The following ZNF705B variants were observed in gnomAD, a reference collection of about 807,000 sequenced individuals.
ZNF705B encodes the protein zinc finger protein 705B, also known as Putative zinc finger protein 705D-like protein LOC100132396.
ZNF705B carries 1 observed loss-of-function variant against 10.5 expected under a neutral mutation model. That is an observed-to-expected ratio of 0.10 (90% confidence interval 0.03 to 0.45). ZNF705B has a LOEUF of 0.45. ZNF705B is among the 20% of genes least tolerant of loss of function. The pLI is 0.97. For synonymous variants in ZNF705B, 4 were observed against 25.4 expected (o/e 0.16, Z 2.53); for missense variants, 14 against 84.0 (o/e 0.17, Z 3.26).
In ZNF705B at chr8:7,931,808, G is replaced by A. The variant is rs1347191707; in HGVS notation, c.-72+1372G>A. Among the ~76,000 whole-genome samples the A allele has an allele frequency of 2.4e-4, 31 of 130,832 alleles. 2 individuals carry two copies. Among genetic ancestry groups the A allele is most frequent in the Non-Finnish European group, 5.0e-4 (28 of 56,344 alleles). 85.8% of individuals were successfully genotyped at this position (130,832 alleles called of 152,430 possible). A position where few individuals can be genotyped will look rare whatever the true frequency, so the allele number is the denominator to read the frequency against. On this transcript the variant is annotated intron_variant, in intron 2 of 6. Coordinates refer to ENST00000400120, the MANE Select transcript of ZNF705B (RefSeq NM_001193630.1). ...CTTTGTTCTGGGGGCAGCCTCCCTA[G>A]TGAATGGCACTGCCAGTTCCCTGGA...
At chr8:7,931,856 G>C (rs1398409550) in intron 2 of ZNF705B, among the ~76,000 whole-genome samples, 2 of 125,866 alleles carry the variant, frequency 1.6e-5, no homozygotes, top group African/African-American at 2.5e-5. Context: ...GTGTAGGCTA[G>C]AGTGATGGGG....
At chr8:7,928,563 G>C (rs1337874042) in intron 1 of ZNF705B, among the ~76,000 whole-genome samples, 2 of 116,268 alleles carry the variant, frequency 1.7e-5, no homozygotes, top group African/African-American at 5.1e-5. Context: ...GGAGGGGAAA[G>C]AGAGAAGGAG....
chr8:7,930,199 C>G (rs9329219), intron 1 of ZNF705B, 88 bp from the exon 2 acceptor site: 1 of 118,786 alleles, frequency 8.4e-6, no homozygotes, highest in African/African-American at 2.6e-5. Context: ...CTGCTCAATG[C>G]TTACCTCTTA....
At chr8:7,932,340 C>T (rs57892334) in intron 2 of ZNF705B, among the ~76,000 whole-genome samples, 1 of 121,222 alleles carries the variant, frequency 8.2e-6, no homozygotes, top group Admixed American at 9.4e-5. Context: ...CTGCTGAATT[C>T]TAGTGCCCTC....
chr8:7,940,696 C>T (rs532114209), intron 2 of ZNF705B, among the ~76,000 whole-genome samples: 35 of 147,886 alleles, frequency 2.4e-4, no homozygotes, highest in Admixed American at 2.1e-3. Flanking sequence ...TAGTAATTGT[C>T]ATTCTGTGGT....
intron 1 of ZNF705B, among the ~76,000 whole-genome samples, chr8:7,928,787 AGG>A (rs1819765927): frequency 1.0e-5 from 1 of 100,080 alleles, no homozygotes; most frequent in African/African-American, 2.8e-5. Flanking sequence ...AACTCAACCA[AGG>A]AAAAAATGTA....
At chr8:7,937,917 C>T (rs566228740) in intron 2 of ZNF705B, among the ~76,000 whole-genome samples, 1 of 107,060 alleles carries the variant, frequency 9.3e-6, no homozygotes, top group African/African-American at 2.7e-5. Flanking sequence ...TATAAAACAG[C>T]AAAAATAGAG....
intron 2 of ZNF705B, among the ~76,000 whole-genome samples, chr8:7,930,749 G>A (rs1819819615): frequency 8.8e-6 from 1 of 113,164 alleles, no homozygotes; most frequent in Non-Finnish European, 2.1e-5. Context: ...GTGAATCAAA[G>A]CAATGGCAAC....
intron 1 of ZNF705B, among the ~76,000 whole-genome samples, chr8:7,929,493 A>G (rs1204060579): frequency 8.2e-6 from 1 of 121,250 alleles, no homozygotes; most frequent in Non-Finnish European, 2.0e-5. Flanking sequence ...AAGGCACCAA[A>G]CCTCAGAGCC....
chr8:7,929,545 G>A (rs1283980907), intron 1 of ZNF705B, among the ~76,000 whole-genome samples: 43 of 123,234 alleles, frequency 3.5e-4, no homozygotes, highest in African/African-American at 1.0e-3. Flanking sequence ...CAAAATTATT[G>A]TGAAGACTTT....
chr8:7,940,712 T>C (rs1438094859), intron 2 of ZNF705B, among the ~76,000 whole-genome samples: 2 of 147,376 alleles, frequency 1.4e-5, no homozygotes, highest in Non-Finnish European at 3.0e-5. Flanking sequence ...GTGGTTGGCC[T>C]ATTTCATATA....
chr8:7,926,687 C>A (rs1268609644), intron 1 of ZNF705B, among the ~76,000 whole-genome samples: 2 of 110,278 alleles, frequency 1.8e-5, no homozygotes, highest in East Asian at 2.5e-4. Flanking sequence ...GGAACACTGA[C>A]CTTTACCCAC....
chr8:7,927,386 G>T (rs1819721942), intron 1 of ZNF705B, among the ~76,000 whole-genome samples: 1 of 121,116 alleles, frequency 8.3e-6, no homozygotes, highest in South Asian at 2.8e-4. Context: ...CCTCTTACAG[G>T]TTAGGTTCAT....
At chr8:7,940,635 C>T (rs1820125134) in intron 2 of ZNF705B, among the ~76,000 whole-genome samples, 1 of 145,510 alleles carries the variant, frequency 6.9e-6, no homozygotes. Context: ...ATTCTACTCT[C>T]TGCTTTTGTG....
At position 7,930,288 on chromosome 8, in the gene ZNF705B, T is replaced by A. The variant is rs544912212; in HGVS notation, c.-220T>A. The A allele has an allele frequency of 7.7e-5, 8 of 104,536 alleles. No individual in the cohort carries two copies. In the East Asian group the frequency reaches 2.3e-3, roughly 30 times the overall value. 6.5% of individuals were successfully genotyped at this position (104,536 alleles called of 1,614,324 possible). ...AGCTGAATTCAAACTCATTCCCAGA[T>A]CACTTGTCCTCCTCAATTGATGTAC... is the stretch of plus-strand genomic sequence containing the variant. On this transcript the variant is annotated splice_region_variant and 5_prime_UTR_variant, in exon 2 of 7. Transcript: ENST00000400120.
Position 7,940,756 on chromosome 8 carries a change from C to A in ZNF705B, c.-71-6595C>A, listed in dbSNP as rs531981110. On this transcript the variant is annotated intron_variant, in intron 2 of 6. Coordinates refer to ENST00000400120, the MANE Select transcript of ZNF705B (RefSeq NM_001193630.1). ...CCCTCCAAGTCCATCCATGTTGTCA[C>A]AAATGACAGGGTTTCGTTATTATGG... Among the ~76,000 whole-genome samples, 7 of 143,740 alleles carry A rather than the reference C, an allele frequency of 4.9e-5. No individual in the cohort carries two copies. The South Asian group carries it at 1.6e-3, about 33-fold the overall frequency. 94.3% of individuals were successfully genotyped at this position (143,740 alleles called of 152,430 possible). A position where few individuals can be genotyped will look rare whatever the true frequency, so the allele number is the denominator to read the frequency against.
chr8:7,932,056 C>G (rs7461208), intron 2 of ZNF705B, among the ~76,000 whole-genome samples: 103,984 of 117,422 alleles, frequency 0.89, 46,560 homozygotes, highest in East Asian at 1. Context: ...TCTGGGGGCA[C>G]GTGCAGACGA....
intron 1 of ZNF705B, among the ~76,000 whole-genome samples, chr8:7,929,670 C>G (rs1819787472): frequency 8.4e-6 from 1 of 118,730 alleles, no homozygotes; most frequent in African/African-American, 2.5e-5. Context: ...AGCTTTTTCT[C>G]TCTAGCTGAA....
At chr8:7,933,116 C>T (rs1371253841) in intron 2 of ZNF705B, among the ~76,000 whole-genome samples, 7 of 112,892 alleles carry the variant, frequency 6.2e-5, no homozygotes, top group Non-Finnish European at 1.5e-4. Flanking sequence ...TTAGATTATC[C>T]AGGTGGGCCC....
Sources: allele counts gnomAD v4.1 joint callset (sites outside exome capture counted in the v4.1 genomes callset), GRCh38; gene constraint gnomAD v4.1.1; transcripts MANE v1.5; gene names NCBI Gene and HGNC (gene_info 2026-07-23, HGNC 2026-07-21).